Variants in PDCL2 observed in about 807,000 individuals in gnomAD.
PDCL2 encodes phosducin like 2.
In PDCL2, 23 loss-of-function variants were observed where a neutral mutation model predicts 30.3. The ratio of observed to expected loss-of-function variants is 0.76; its 90% CI spans 0.55 to 1.08. PDCL2 has a LOEUF of 1.08. Among genes scored for constraint, PDCL2 ranks in the 50% least tolerant of loss-of-function variants. The pLI, the probability that PDCL2 is intolerant of heterozygous loss-of-function variation, is 0.00. For synonymous variants in PDCL2, 68 were observed against 86.2 expected (o/e 0.79, Z 1.17); for missense variants, 243 against 282.3 (o/e 0.86, Z 1.00).
At chr4:55,564,291 G>A (rs1478197354) in intron 4 of PDCL2, among the ~76,000 whole-genome samples, 2 of 152,194 alleles carry the variant, frequency 1.3e-5, no homozygotes, top group Non-Finnish European at 2.9e-5. Context: ...GCAGTGAAAA[G>A]TATAGAATTA....
Position 55,569,831 on chromosome 4 carries a change from A to T in PDCL2, c.249T>A (p.Leu83=). ...RKKRLQEWKA[L]KKKQKFGELR... ...ATTCTCCAAATTTTTGTTTTTTCTTAAGAGCTTTCCATTCCTGTAACCGCT... is the reference window on the plus strand; with the variant it reads ...ATTCTCCAAATTTTTGTTTTTTCTTTAGAGCTTTCCATTCCTGTAACCGCT... Residue 83 remains leucine, a synonymous_variant, in exon 4 of 6, where the codon CTT becomes CTA. Coordinates refer to ENST00000295645, the MANE Select transcript of PDCL2 (RefSeq NM_152401.3). 1 of 1,549,112 alleles carries T rather than the reference A, an allele frequency of 6.5e-7. No homozygotes were observed. Among genetic ancestry groups the T allele is most frequent in the South Asian group, 1.2e-5 (1 of 84,218 alleles).
Position 55,582,195 on chromosome 4 carries a change from A to T in PDCL2, c.49T>A (p.Phe17Ile), listed in dbSNP as rs1339802659. ...DTEWNDILRD[F>I]GILPPKEESK... ...TCTTCTTTAGGAGGAAGAATGCCGAAATCTCTTAAAATGTCATTCCATTCT... is the reference window on the plus strand; with the variant it reads ...TCTTCTTTAGGAGGAAGAATGCCGATATCTCTTAAAATGTCATTCCATTCT... Residue 17 changes from phenylalanine (F) to isoleucine (I), a missense_variant, in exon 2 of 6, where the codon TTC (phenylalanine) becomes ATC (isoleucine). Transcript: ENST00000295645. The T allele has an allele frequency of 6.2e-7, 1 of 1,611,954 alleles. No homozygotes were observed. The highest frequency in any genetic ancestry group is 1.1e-5 in the South Asian group (1 of 90,646).
chr4:55,562,429 AC>A lies in PDCL2; in HGVS notation c.545del (p.Cys182LeufsTer4). On this transcript the variant is annotated frameshift_variant, in exon 5 of 6. Transcript: ENST00000295645. LOFTEE classifies it high-confidence loss of function. ...IEAKFIGIIE[C>X]GGINLKLEEL... Reference sequence around the variant, plus strand: ...CTTCCAGCTTGAGATTTATCCCTCCACATTCTATAATTCCAATGAATTTGGC... The same window carrying A: ...CTTCCAGCTTGAGATTTATCCCTCCAATTCTATAATTCCAATGAATTTGGC... 1 of 1,457,230 alleles carries A rather than the reference AC, an allele frequency of 6.9e-7. No homozygotes were observed. The highest frequency in any genetic ancestry group is 9.1e-7 in the Non-Finnish European group (1 of 1,100,896). The allele number at this position is 1,457,230 out of a possible 1,614,324, so 90.3% of individuals were successfully genotyped here. A position where few individuals can be genotyped will look rare whatever the true frequency, so the allele number is the denominator to read the frequency against.
intron 1 of PDCL2, among the ~76,000 whole-genome samples, chr4:55,588,637 T>C (rs143008125): frequency 4.6e-5 from 7 of 152,312 alleles, no homozygotes; most frequent in African/African-American, 1.7e-4. Flanking sequence ...CTGAAACCTG[T>C]TTCAGATATT....
intron 3 of PDCL2, among the ~76,000 whole-genome samples, chr4:55,576,312 C>T (rs1206519604): frequency 6.6e-6 from 1 of 152,104 alleles, no homozygotes; most frequent in African/African-American, 2.4e-5. Flanking sequence ...AGGCTGGTCT[C>T]AAACTCCTGA....
intron 1 of PDCL2, among the ~76,000 whole-genome samples, chr4:55,587,303 G>C (rs556688222): frequency 1.3e-5 from 2 of 148,904 alleles, no homozygotes; most frequent in Non-Finnish European, 3.0e-5. Flanking sequence ...CATTTATAAG[G>C]AAGGAGACTT....
chr4:55,565,606 TG>T (rs1052424708), intron 4 of PDCL2, among the ~76,000 whole-genome samples: 1 of 152,052 alleles, frequency 6.6e-6, no homozygotes, highest in African/African-American at 2.4e-5. Context: ...CCACGACAAA[TG>T]GGGGTTATGG....
chr4:55,581,223 T>C (rs1732701422), intron 2 of PDCL2, among the ~76,000 whole-genome samples: 1 of 151,972 alleles, frequency 6.6e-6, no homozygotes, highest in Non-Finnish European at 1.5e-5. Flanking sequence ...TGAACCCGAA[T>C]GGCTGAGTTT....
chr4:55,577,113 T>TC (rs1732589463), intron 3 of PDCL2, among the ~76,000 whole-genome samples: 1 of 152,100 alleles, frequency 6.6e-6, no homozygotes, highest in Admixed American at 6.5e-5. Flanking sequence ...GCCAGGCTGG[T>TC]TCGAACTCCT....
chr4:55,580,784 T>C, intron 3 of PDCL2, 37 bp downstream of exon 3: 1 of 1,441,298 alleles, frequency 6.9e-7, no homozygotes, highest in Non-Finnish European at 9.4e-7. Context: ...TATACTTCAT[T>C]CAAAAATTTA....
At chr4:55,580,199 T>G (rs971616571) in intron 3 of PDCL2, among the ~76,000 whole-genome samples, 1 of 152,210 alleles carries the variant, frequency 6.6e-6, no homozygotes, top group Non-Finnish European at 1.5e-5. Flanking sequence ...CAATACTACT[T>G]GATCAAGATT....
At chr4:55,582,455 A>G (rs1447241106) in intron 1 of PDCL2, among the ~76,000 whole-genome samples, 3 of 152,252 alleles carry the variant, frequency 2.0e-5, no homozygotes, top group Admixed American at 1.3e-4. Context: ...ATATCAATTT[A>G]GAATACATAT....
Position 55,578,488 on chromosome 4 carries a change from A to G in PDCL2, c.218+2333T>C, listed in dbSNP as rs1732626218. On this transcript the variant is annotated intron_variant, in intron 3 of 5. Transcript: ENST00000295645. ...ATTCAATATTCTCCAGAGTACTAAA[A>G]CAGTCACTTCAGACAGTTCCTGCTA... Among the ~76,000 whole-genome samples the G allele has an allele frequency of 2.0e-5, 3 of 152,144 alleles. No individual in the cohort carries two copies. The South Asian group carries it at 6.2e-4, about 32-fold the overall frequency.
intron 1 of PDCL2, 113 bp from the exon 2 acceptor site, chr4:55,582,350 A>C (rs1207780370): frequency 4.9e-6 from 6 of 1,213,932 alleles, no homozygotes; most frequent in South Asian, 1.7e-5. Context: ...TGAACTCTAC[A>C]GTTAATTGGT....
Position 55,582,395 on chromosome 4 carries a change from T to G in PDCL2, c.7-158A>C, listed in dbSNP as rs185125271. On this transcript the variant is annotated intron_variant, in intron 1 of 5. Coordinates refer to ENST00000295645, the MANE Select transcript of PDCL2 (RefSeq NM_152401.3). ...TAAAGCAAAGTGACCTACTTTTTCC[T>G]GCTTCCCAGCACTAATGGGATTATA... 1.1e-3 allele frequency among the ~76,000 whole-genome samples: 175 copies of G among 152,356 alleles called. 1 individual carries two copies. Among genetic ancestry groups the G allele is most frequent in the Admixed American group, 2.7e-3 (42 of 15,302 alleles).
At chr4:55,581,697 T>C (rs1352207769) in intron 2 of PDCL2, among the ~76,000 whole-genome samples, 2 of 152,064 alleles carry the variant, frequency 1.3e-5, no homozygotes, top group African/African-American at 4.8e-5. Flanking sequence ...ATATTAAATG[T>C]TTATTTGTTT....
intron 1 of PDCL2, among the ~76,000 whole-genome samples, chr4:55,587,951 C>G (rs78915115): frequency 0.012 from 1,865 of 152,216 alleles, 24 homozygotes; most frequent in Middle Eastern, 0.054. Flanking sequence ...GTTACCTGTG[C>G]TTTTGGTGTC....
intron 3 of PDCL2, among the ~76,000 whole-genome samples, chr4:55,570,242 ATT>A (rs1335185299): frequency 6.6e-6 from 1 of 152,216 alleles, no homozygotes; most frequent in Non-Finnish European, 1.5e-5. Context: ...ACCAGGCACT[ATT>A]TTAAATACAT....
At chr4:55,576,222 C>A (rs775824046) in intron 3 of PDCL2, among the ~76,000 whole-genome samples, 32 of 152,074 alleles carry the variant, frequency 2.1e-4, no homozygotes, top group Non-Finnish European at 4.1e-4. Flanking sequence ...TCCTGAGTAG[C>A]TGGGATTACA....
Sources: allele counts gnomAD v4.1 joint callset (sites outside exome capture counted in the v4.1 genomes callset), GRCh38; gene constraint gnomAD v4.1.1; transcripts MANE v1.5; gene names NCBI Gene and HGNC (gene_info 2026-07-23, HGNC 2026-07-21).